The following TAF15 variants were observed in gnomAD, a reference collection of about 807,000 sequenced individuals.
TAF15 encodes TATA-box binding protein associated factor 15, also known as TATA-binding protein-associated factor 2N.
Under a neutral mutation model 102.5 loss-of-function variants are expected in TAF15, and 37 were observed. That is an observed-to-expected ratio of 0.36 (90% confidence interval 0.28 to 0.47). The LOEUF is 0.47. TAF15 is among the 20% of genes least tolerant of loss of function. The pLI is 0.99. For missense variants in TAF15, 652 were observed against 760.7 expected, an observed-to-expected ratio of 0.86 and a Z score of 1.68; for synonymous variants, 273 against 259.2, an observed-to-expected ratio of 1.05 and a Z score of -0.51.
intron 7 of TAF15, among the ~76,000 whole-genome samples, chr17:35,824,821 A>G (rs1335111903): frequency 6.6e-6 from 1 of 152,082 alleles, no homozygotes; most frequent in Middle Eastern, 3.2e-3. Context: ...TCTCCATGCT[A>G]GTGTTATCAG....
intron 7 of TAF15, among the ~76,000 whole-genome samples, chr17:35,826,983 C>T (rs1046678810): frequency 6.6e-6 from 1 of 151,660 alleles, no homozygotes; most frequent in African/African-American, 2.4e-5. Flanking sequence ...AATATAGATG[C>T]CCTGTTTTAA....
intron 5 of TAF15, among the ~76,000 whole-genome samples, chr17:35,822,112 C>A (rs566330051): frequency 6.6e-6 from 1 of 151,552 alleles, no homozygotes; most frequent in African/African-American, 2.4e-5. Context: ...GAGGCCGAGA[C>A]GGGTGGATCA....
chr17:35,820,561 G>A (rs1598523669), intron 5 of TAF15, 124 bp downstream of exon 5: 1 of 806,440 alleles, frequency 1.2e-6, no homozygotes, highest in Non-Finnish European at 2.0e-6. Context: ...TTTTAATGGA[G>A]TGTGGATTTT....
intron 7 of TAF15, among the ~76,000 whole-genome samples, chr17:35,830,647 TAAGA>T (rs2087393296): frequency 6.6e-6 from 1 of 152,184 alleles, no homozygotes; most frequent in Non-Finnish European, 1.5e-5. Context: ...AATTTTCTAA[TAAGA>T]AGAGAGAAAA....
chr17:35,822,433 C>A (rs1207555999), intron 5 of TAF15, among the ~76,000 whole-genome samples: 3 of 150,136 alleles, frequency 2.0e-5, no homozygotes, highest in Non-Finnish European at 4.4e-5. Flanking sequence ...CATTTTTTTT[C>A]ATAATGTGGC....
chr17:35,822,928 T>G (rs1340301213), intron 6 of TAF15, 95 bp downstream of exon 6: 1 of 1,477,198 alleles, frequency 6.8e-7, no homozygotes. Flanking sequence ...TTCACCTGTT[T>G]GTAAAAATTT....
rs1388934261 is a variant in TAF15 at position 35,844,890 on chromosome 17, T to C, written c.1591T>C (p.Tyr531His). 2 of 1,603,352 alleles carry C rather than the reference T, an allele frequency of 1.2e-6. No homozygotes were observed. Among genetic ancestry groups the C allele is most frequent in the East Asian group, 2.3e-5 (1 of 44,354 alleles). ...GYGGDRSRGG[Y>H]GGDRGGGSGY... ...TGGAGGAGACAGAAGCCGGGGGGGCTATGGAGGAGACCGTGGTGGTGGCAG... is the reference window on the plus strand; with the variant it reads ...TGGAGGAGACAGAAGCCGGGGGGGCCATGGAGGAGACCGTGGTGGTGGCAG... The change falls in exon 15 of 16, where the codon TAT becomes CAT. Residue 531 changes from tyrosine to histidine, a missense_variant. By Grantham distance (83) the Tyr-to-His change is moderately conservative (BLOSUM62 2). Coordinates refer to ENST00000605844, the MANE Select transcript of TAF15 (RefSeq NM_139215.3).
intron 7 of TAF15, 196 bp from the exon 8 acceptor site, chr17:35,833,711 G>C: frequency 1.7e-6 from 1 of 594,726 alleles, no homozygotes; most frequent in South Asian, 2.1e-5. Flanking sequence ...AAGACATCTT[G>C]TGGAAATAGA....
At position 35,844,465 on chromosome 17, in the gene TAF15, T is replaced by G. The variant is rs2143832219; in HGVS notation, c.1178-12T>G. 1 of 1,613,776 alleles carries G rather than the reference T, an allele frequency of 6.2e-7. No individual in the cohort carries two copies. Among genetic ancestry groups the G allele is most frequent in the East Asian group, 2.2e-5 (1 of 44,868 alleles). On this transcript the variant is annotated splice_polypyrimidine_tract_variant and intron_variant, in intron 14 of 15. Transcript: ENST00000605844. The stretch of plus-strand genomic sequence containing the variant: ...TTCTGCTGGCCTCATTGTTTGCATT[T>G]CTACCTTGCAGATTTCCGGGGGAGA...
At position 35,822,740 on chromosome 17, in the gene TAF15, G is replaced by C. The variant is rs1221391352; in HGVS notation, c.391G>C (p.Glu131Gln). 1.9e-6 allele frequency: 3 copies of C among 1,614,182 alleles called. No individual in the cohort carries two copies. ...GYDQHQGSYD[E>Q]QSNYDQQHDS... ...TGATCAACATCAAGGCTCATATGAT[G>C]AGCAGTCAAATTATGATCAGCAGCA... Residue 131 changes from glutamate to glutamine, a missense_variant, in exon 6 of 16, where the codon GAG becomes CAG. Coordinates refer to ENST00000605844, the MANE Select transcript of TAF15 (RefSeq NM_139215.3).
intron 1 of TAF15, among the ~76,000 whole-genome samples, chr17:35,813,985 T>TG (rs1555615220): frequency 6.9e-6 from 1 of 145,340 alleles, no homozygotes; most frequent in South Asian, 2.3e-4. Context: ...TTCTTTTTTC[T>TG]GTTTTTTTTG....
chr17:35,846,487 G>A (rs1231861741), intron 15 of TAF15, among the ~76,000 whole-genome samples: 1 of 152,086 alleles, frequency 6.6e-6, no homozygotes, highest in Non-Finnish European at 1.5e-5. Flanking sequence ...CTATGAAGTA[G>A]GTATACTTCC....
chr17:35,815,385 G>A (rs1234224869), intron 1 of TAF15, among the ~76,000 whole-genome samples: 1 of 152,108 alleles, frequency 6.6e-6, no homozygotes, highest in Non-Finnish European at 1.5e-5. Flanking sequence ...TATCACTCAA[G>A]GATTTATACC....
rs4251765 is a variant in TAF15, at chr17:35,836,352, G to A, written c.783+111G>A. ...AGTACGCCTTGTCTCTTAAAATTTT[G>A]TGATGCACATGCTCGTTTATGTCTG... On this transcript the variant is annotated intron_variant, in intron 10 of 15. Coordinates refer to ENST00000605844, the MANE Select transcript of TAF15 (RefSeq NM_139215.3). 367 of 757,594 alleles carry A rather than the reference G, an allele frequency of 4.8e-4. 3 individuals carry two copies. Among genetic ancestry groups the A allele is most frequent in the African/African-American group, 4.4e-3 (254 of 57,084 alleles). The allele number at this position is 757,594 out of a possible 1,614,324, so 46.9% of individuals were successfully genotyped here.
intron 1 of TAF15, chr17:35,809,916 C>T (rs943723766): frequency 7.5e-5 from 38 of 509,964 alleles, no homozygotes; most frequent in Non-Finnish European, 1.2e-4. Context: ...GAGATTAGAG[C>T]ATCAGCCTGA....
At chr17:35,816,296 ATAAT>A (rs1285402085) in intron 1 of TAF15, among the ~76,000 whole-genome samples, 1 of 152,358 alleles carries the variant, frequency 6.6e-6, no homozygotes, top group South Asian at 2.1e-4. Flanking sequence ...GACATATTGT[ATAAT>A]TAAATTTTAA....
Position 35,825,343 on chromosome 17 carries a change from T to G in TAF15, c.605+1145T>G, listed in dbSNP as rs61608665. 3.3e-3 allele frequency among the ~76,000 whole-genome samples: 499 copies of G among 152,320 alleles called. 2 individuals carry two copies. Among genetic ancestry groups the G allele is most frequent in the African/African-American group, 0.011 (456 of 41,570 alleles). On this transcript the variant is annotated intron_variant, in intron 7 of 15. Transcript: ENST00000605844. ...AAGTAAAACAAATAAATTCTATGCT[T>G]CTTCATTGTCAAAGAGCAGTCTGCC...
intron 1 of TAF15, among the ~76,000 whole-genome samples, chr17:35,814,971 A>G (rs1025738201): frequency 6.6e-6 from 1 of 152,190 alleles, no homozygotes; most frequent in Non-Finnish European, 1.5e-5. Context: ...TCTTTGTGTA[A>G]TTAATAGATC....
chr17:35,813,837 G>A (rs1374965076), intron 1 of TAF15, among the ~76,000 whole-genome samples: 1 of 152,106 alleles, frequency 6.6e-6, no homozygotes, highest in Non-Finnish European at 1.5e-5. Flanking sequence ...TGCAGGTTAT[G>A]AAGTACCAGT....
Sources: gnomAD v4.1 joint callset for allele counts (sites outside exome capture counted in the v4.1 genomes callset) on GRCh38, gnomAD v4.1.1 for gene constraint, MANE v1.5 for transcripts, NCBI Gene and HGNC (gene_info 2026-07-23, HGNC 2026-07-21) for gene names.